The following RCVRN variants were observed in gnomAD, a reference collection of about 807,000 sequenced individuals.
RCVRN encodes cancer associated retinopathy antigen.
RCVRN carries 23 observed loss-of-function variants against 20.4 expected under a neutral mutation model. That is an observed-to-expected ratio of 1.13 (90% CI 0.81 to 1.60). RCVRN has a LOEUF of 1.60. Ranked by LOEUF, RCVRN falls within the 40% of genes most tolerant of loss-of-function variation. The pLI, the probability that RCVRN is intolerant of heterozygous loss-of-function variation, is 0.00. For missense variants in RCVRN, 254 were observed against 254.2 expected (o/e 1.00, Z 0.00); for synonymous variants, 105 against 105.9 (o/e 0.99, Z 0.05).
chr17:9,901,643 C>T (rs1016244366), intron 1 of RCVRN, among the ~76,000 whole-genome samples: 2 of 152,182 alleles, frequency 1.3e-5, no homozygotes, highest in East Asian at 1.9e-4. Flanking sequence ...CTGAGCTGGA[C>T]GCCAGTGTAG....
At chr17:9,900,261 G>A (rs913212551) in intron 2 of RCVRN, among the ~76,000 whole-genome samples, 4 of 152,104 alleles carry the variant, frequency 2.6e-5, no homozygotes, top group African/African-American at 9.7e-5. Context: ...CCTTGTGCTG[G>A]CCGTAAGCAT....
chr17:9,902,751 A>G (rs2067347084), intron 1 of RCVRN, among the ~76,000 whole-genome samples: 1 of 152,200 alleles, frequency 6.6e-6, no homozygotes, highest in Non-Finnish European at 1.5e-5. Flanking sequence ...TAATCCCAGC[A>G]CTTTGGGAGG....
chr17:9,905,128 T>C lies in RCVRN; in HGVS notation c.53A>G (p.Gln18Arg). 15 of 1,610,860 alleles carry C rather than the reference T, an allele frequency of 9.3e-6. No individual in the cohort carries two copies. The highest frequency in any genetic ancestry group is 1.3e-5 in the Non-Finnish European group (15 of 1,178,818). ...ALSKEILEEL[Q>R]LNTKFSEEEL... is the part of the protein sequence containing the mutation. ...CTCCTCCGAGAACTTGGTGTTCAGC[T>C]GCAGCTCCTCCAGGATCTCCTTGGA... Residue 18 changes from glutamine (Q) to arginine (R), a missense_variant, in exon 1 of 3, where the codon CAG becomes CGG. By Grantham distance (43) the Gln-to-Arg change is conservative (BLOSUM62 1). Transcript: ENST00000226193.
At chr17:9,900,839 A>G (rs1597415094) in intron 2 of RCVRN, 150 bp downstream of exon 2, 2 of 556,708 alleles carry the variant, frequency 3.6e-6, no homozygotes, top group East Asian at 5.8e-5. Flanking sequence ...CCCCTGTCCA[A>G]CCCTTCAAAC....
intron 2 of RCVRN, among the ~76,000 whole-genome samples, chr17:9,898,710 G>A (rs1444033267): frequency 6.6e-6 from 1 of 152,020 alleles, no homozygotes; most frequent in Non-Finnish European, 1.5e-5. Flanking sequence ...AGAAGTGAAG[G>A]GCCCAATGAG....
rs1437626793 is a variant in RCVRN at position 9,897,283 on chromosome 17, C to A, written c.*812G>T. The A allele has an allele frequency of 6.6e-6, 1 of 152,194 alleles. No homozygotes were observed. The allele number at this position is 152,194 out of a possible 1,614,324, so 9.4% of individuals were successfully genotyped here. On this transcript the variant is annotated 3_prime_UTR_variant, in exon 3 of 3. Transcript: ENST00000226193. Reference sequence around the variant, plus strand: ...TCTCCCTCCTCCTTCTACCCTCCAGCCACCCCGACCTTCTCCTGGAACTCG... The same window carrying A: ...TCTCCCTCCTCCTTCTACCCTCCAGACACCCCGACCTTCTCCTGGAACTCG...
Position 9,897,981 on chromosome 17 carries a change from GAT to G in RCVRN, c.*112_*113del. The stretch of plus-strand genomic sequence containing the variant: ...AGGCCTTTCTCTTGGCCCTGGGGTG[GAT>G]GTGTGTGTGTGTGTGTGCGCGCGCG... On this transcript the variant is annotated 3_prime_UTR_variant, in exon 3 of 3. Coordinates refer to ENST00000226193, the MANE Select transcript of RCVRN (RefSeq NM_002903.3). 1.6e-6 allele frequency: 1 copy of G among 610,236 alleles called. No homozygotes were observed. The allele number at this position is 610,236 out of a possible 1,614,324, so 37.8% of individuals were successfully genotyped here.
Position 9,904,710 on chromosome 17 carries a change from T to C in RCVRN, c.381+90A>G. On this transcript the variant is annotated intron_variant, in intron 1 of 2. Coordinates refer to ENST00000226193, the MANE Select transcript of RCVRN (RefSeq NM_002903.3). The surrounding 1 kb of genome is among the most constrained non-coding windows in gnomAD (Gnocchi z 5.8). ...CCGCATCCCCCGCTCCACCCACAGA[T>C]CCACTCCCTCTGCAGCAGCTGCAGC... is the stretch of plus-strand genomic sequence containing the variant. 6.9e-7 allele frequency: 1 copy of C among 1,452,004 alleles called. No individual in the cohort carries two copies. Among genetic ancestry groups the C allele is most frequent in the Non-Finnish European group, 9.4e-7 (1 of 1,058,630 alleles). The allele number at this position is 1,452,004 out of a possible 1,614,324, so 89.9% of individuals were successfully genotyped here. A position where few individuals can be genotyped will look rare whatever the true frequency, so the allele number is the denominator to read the frequency against.
At position 9,904,515 on chromosome 17, in the gene RCVRN, A is replaced by G. The variant is rs1388714610; in HGVS notation, c.381+285T>C. On this transcript the variant is annotated intron_variant, in intron 1 of 2. Coordinates refer to ENST00000226193, the MANE Select transcript of RCVRN (RefSeq NM_002903.3). This position sits in a 1 kb window ranked among gnomAD's most constrained non-coding sequence, Gnocchi z 5.8. Reference sequence around the variant, plus strand: ...CTCCATTACAATCTTATGGGACCACAGTGGTCTATATCGTCCGTTGTTGAC... The same window carrying G: ...CTCCATTACAATCTTATGGGACCACGGTGGTCTATATCGTCCGTTGTTGAC... Among the ~76,000 whole-genome samples the G allele has an allele frequency of 1.3e-5, 2 of 152,238 alleles. No individual in the cohort carries two copies. Among genetic ancestry groups the G allele is most frequent in the African/African-American group, 2.4e-5 (1 of 41,468 alleles).
At chr17:9,903,803 G>A (rs1423416944) in intron 1 of RCVRN, among the ~76,000 whole-genome samples, 1 of 152,180 alleles carries the variant, frequency 6.6e-6, no homozygotes, top group Non-Finnish European at 1.5e-5. Context: ...TGAGCTCCAT[G>A]GTCCAGCCTT....
intron 1 of RCVRN, among the ~76,000 whole-genome samples, chr17:9,901,761 G>A (rs1567747679): frequency 6.6e-6 from 1 of 152,220 alleles, no homozygotes; most frequent in Non-Finnish European, 1.5e-5. Context: ...CCAACACGGA[G>A]GGACAGACCT....
chr17:9,904,509 G>T lies in RCVRN; in HGVS notation c.381+291C>A, dbSNP rs1371519874. The stretch of plus-strand genomic sequence containing the variant: ...TTTCAGCTCCATTACAATCTTATGG[G>T]ACCACAGTGGTCTATATCGTCCGTT... On this transcript the variant is annotated intron_variant, in intron 1 of 2. Transcript: ENST00000226193. This position sits in a 1 kb window ranked among gnomAD's most constrained non-coding sequence, Gnocchi z 5.8. 1.3e-5 allele frequency among the ~76,000 whole-genome samples: 2 copies of T among 152,196 alleles called. No homozygotes were observed. The highest frequency in any genetic ancestry group is 4.8e-5 in the African/African-American group (2 of 41,438).
In RCVRN at chr17:9,904,726, C is replaced by G; in HGVS notation, c.381+74G>C. The G allele has an allele frequency of 6.6e-7, 1 of 1,523,134 alleles. No individual in the cohort carries two copies. Among genetic ancestry groups the G allele is most frequent in the Non-Finnish European group, 8.9e-7 (1 of 1,119,040 alleles). 94.4% of individuals were successfully genotyped at this position (1,523,134 alleles called of 1,614,324 possible). A position where few individuals can be genotyped will look rare whatever the true frequency, so the allele number is the denominator to read the frequency against. On this transcript the variant is annotated intron_variant, in intron 1 of 2. Transcript: ENST00000226193. This position sits in a 1 kb window ranked among gnomAD's most constrained non-coding sequence, Gnocchi z 5.8. ...ACCCACAGATCCACTCCCTCTGCAGCAGCTGCAGCAGGGGACCCCCAGCCC... is the reference window on the plus strand; with the variant it reads ...ACCCACAGATCCACTCCCTCTGCAGGAGCTGCAGCAGGGGACCCCCAGCCC...
Position 9,900,945 on chromosome 17 carries a change from C to A in RCVRN, c.493+44G>T, listed in dbSNP as rs771120222. The A allele has an allele frequency of 4.2e-6, 5 of 1,198,180 alleles. No individual in the cohort carries two copies. The African/African-American group carries it at 7.5e-5, about 18-fold the overall frequency. 74.2% of individuals were successfully genotyped at this position (1,198,180 alleles called of 1,614,324 possible). ...TCTTGTTGGGATTTCCAGGAAACAG[C>A]CCATGGTTGAAAAATCAAAGGCAAT... On this transcript the variant is annotated intron_variant, in intron 2 of 2. Coordinates refer to ENST00000226193, the MANE Select transcript of RCVRN (RefSeq NM_002903.3).
Position 9,904,235 on chromosome 17 carries a change from C to T in RCVRN, c.381+565G>A, listed in dbSNP as rs953173121. Among the ~76,000 whole-genome samples, 2 of 151,970 alleles carry T rather than the reference C, an allele frequency of 1.3e-5. No homozygotes were observed. Among genetic ancestry groups the T allele is most frequent in the African/African-American group, 4.8e-5 (2 of 41,366 alleles). ...CAGCTCTGGGCTACAGAGTGAGACT[C>T]CATCTCAAAAAAATAAAAAATAAAA... On this transcript the variant is annotated intron_variant, in intron 1 of 2. Transcript: ENST00000226193. This position sits in a 1 kb window ranked among gnomAD's most constrained non-coding sequence, Gnocchi z 5.8.
In RCVRN at chr17:9,904,271, C is replaced by G. The variant is rs1271975724; in HGVS notation, c.381+529G>C. On this transcript the variant is annotated intron_variant, in intron 1 of 2. Coordinates refer to ENST00000226193, the MANE Select transcript of RCVRN (RefSeq NM_002903.3). The surrounding 1 kb of genome is among the most constrained non-coding windows in gnomAD (Gnocchi z 5.8). ...AAATAAAAAATAAAAAACCAAGATA[C>G]AAAATGGTAGACCTGTCTAGGGCAC... Among the ~76,000 whole-genome samples, 2 of 152,052 alleles carry G rather than the reference C, an allele frequency of 1.3e-5. No homozygotes were observed. The highest frequency in any genetic ancestry group is 4.8e-5 in the African/African-American group (2 of 41,400).
intron 1 of RCVRN, 77 bp from the exon 2 acceptor site, chr17:9,901,177 A>G (rs1349348474): frequency 7.3e-6 from 5 of 686,194 alleles, no homozygotes; most frequent in Non-Finnish European, 1.2e-5. Flanking sequence ...CACATCTTAC[A>G]CTGTACACAA....
intron 1 of RCVRN, among the ~76,000 whole-genome samples, chr17:9,903,850 G>A (rs955510731): frequency 6.6e-6 from 1 of 152,220 alleles, no homozygotes; most frequent in Non-Finnish European, 1.5e-5. Context: ...GCACGTGACT[G>A]TCCTGAATGT....
At chr17:9,901,576 G>C (rs1298855886) in intron 1 of RCVRN, among the ~76,000 whole-genome samples, 3 of 152,214 alleles carry the variant, frequency 2.0e-5, no homozygotes, top group African/African-American at 7.2e-5. Context: ...GGATAAAGGA[G>C]TAAAGAGGCC....
Sources: gnomAD v4.1 joint callset for allele counts (sites outside exome capture counted in the v4.1 genomes callset) on GRCh38, gnomAD v4.1.1 for gene constraint, Gnocchi (gnomAD v3.1) non-coding constraint, MANE v1.5 for transcripts, NCBI Gene and HGNC (gene_info 2026-07-23, HGNC 2026-07-21) for gene names.